The following LPGAT1 variants were observed in gnomAD, a reference collection of about 807,000 sequenced individuals.
The protein encoded by LPGAT1 is lysophosphatidylglycerol acyltransferase 1.
LPGAT1 carries 11 observed loss-of-function variants against 47.5 expected under a neutral mutation model. That is an observed-to-expected ratio of 0.23 (90% CI 0.15 to 0.38). The LOEUF is 0.38. Among genes scored for constraint, LPGAT1 ranks in the 10% least tolerant of loss-of-function variants. The pLI is 1.00. For synonymous variants in LPGAT1, 138 were observed against 144.2 expected (o/e 0.96, Z 0.31); for missense variants, 293 against 439.0 (o/e 0.67, Z 2.97).
intron 6 of LPGAT1, among the ~76,000 whole-genome samples, chr1:211,766,342 A>T (rs1657913268): frequency 6.6e-6 from 1 of 152,086 alleles, no homozygotes; most frequent in South Asian, 2.1e-4. Flanking sequence ...TCTCATAATA[A>T]ATCTCTTTCT....
At chr1:211,772,870 T>C (rs1658238286) in intron 6 of LPGAT1, among the ~76,000 whole-genome samples, 1 of 152,012 alleles carries the variant, frequency 6.6e-6, no homozygotes, top group Admixed American at 6.6e-5. Context: ...TCTTAGGGAG[T>C]AAGGGTAAAA....
intron 2 of LPGAT1, among the ~76,000 whole-genome samples, chr1:211,815,778 T>C (rs368028384): frequency 0.022 from 2,999 of 137,176 alleles, 33 homozygotes; most frequent in Non-Finnish European, 0.029. Context: ...CTTTTCTTTT[T>C]TTTTTTTTTT....
intron 1 of LPGAT1, chr1:211,829,902 G>GA (rs372838994): frequency 3.0e-6 from 3 of 983,968 alleles, no homozygotes; most frequent in South Asian, 9.4e-5. Flanking sequence ...GGGGGGCCTA[G>GA]AAAAAAAGCT....
chr1:211,744,779 T>C lies in LPGAT1; in HGVS notation c.*5120A>G, dbSNP rs1240230548. The C allele has an allele frequency of 2.6e-5, 4 of 151,196 alleles. No individual in the cohort carries two copies. Among genetic ancestry groups the C allele is most frequent in the Non-Finnish European group, 5.9e-5 (4 of 68,048 alleles). The allele number at this position is 151,196 out of a possible 1,614,324, so 9.4% of individuals were successfully genotyped here. On this transcript the variant is annotated 3_prime_UTR_variant, in exon 8 of 8. Transcript: ENST00000366997. The stretch of plus-strand genomic sequence containing the variant: ...TGCTAAACATTTACCAGCACACCAC[T>C]GGATTGGGAGAATGGGGAGAAAGGG...
intron 2 of LPGAT1, among the ~76,000 whole-genome samples, chr1:211,805,328 AT>A (rs1425100806): frequency 1.3e-5 from 2 of 152,192 alleles, no homozygotes; most frequent in Non-Finnish European, 2.9e-5. Context: ...CAAGTCAAAA[AT>A]GCATTTTAAC....
intron 6 of LPGAT1, among the ~76,000 whole-genome samples, chr1:211,764,344 G>A (rs1571703355): frequency 1.3e-5 from 2 of 152,160 alleles, no homozygotes; most frequent in East Asian, 3.9e-4. Context: ...TCCTTAGTAG[G>A]AACTCAGGTT....
At chr1:211,755,743 T>G (rs1294735735) in intron 6 of LPGAT1, among the ~76,000 whole-genome samples, 2 of 152,020 alleles carry the variant, frequency 1.3e-5, no homozygotes, top group Non-Finnish European at 2.9e-5. Flanking sequence ...AAATTTTACT[T>G]TCAAAAATTT....
At chr1:211,817,143 T>C (rs573868923) in intron 2 of LPGAT1, among the ~76,000 whole-genome samples, 299 of 152,340 alleles carry the variant, frequency 2.0e-3, no homozygotes, top group African/African-American at 6.9e-3. Context: ...TTTTCTTCCC[T>C]TCAAGGACCT....
chr1:211,782,955 T>C (rs1322416066), intron 5 of LPGAT1, among the ~76,000 whole-genome samples: 1 of 152,194 alleles, frequency 6.6e-6, no homozygotes, highest in East Asian at 1.9e-4. Flanking sequence ...AAGATGTTTA[T>C]AAGAATGTTT....
intron 6 of LPGAT1, among the ~76,000 whole-genome samples, chr1:211,771,139 G>A (rs985268635): frequency 2.7e-5 from 4 of 149,914 alleles, no homozygotes; most frequent in African/African-American, 9.8e-5. Context: ...TATTTTTACT[G>A]TACCTTTTCT....
intron 2 of LPGAT1, among the ~76,000 whole-genome samples, chr1:211,820,144 C>G (rs1660319948): frequency 1.3e-5 from 2 of 152,076 alleles, no homozygotes; most frequent in Admixed American, 1.3e-4. Flanking sequence ...AGACTTGTGG[C>G]CACACAGAGA....
intron 6 of LPGAT1, among the ~76,000 whole-genome samples, chr1:211,769,160 T>C (rs12040681): frequency 0.031 from 4,645 of 152,222 alleles, 95 homozygotes; most frequent in South Asian, 0.11. Context: ...AAAAATAGGA[T>C]GACACACTAG....
chr1:211,791,050 A>G (rs556521691), intron 3 of LPGAT1, among the ~76,000 whole-genome samples: 16 of 152,332 alleles, frequency 1.1e-4, no homozygotes, highest in African/African-American at 3.8e-4. Flanking sequence ...ATTATTATAA[A>G]TGCAAATATA....
intron 6 of LPGAT1, among the ~76,000 whole-genome samples, chr1:211,759,301 G>C (rs2102498424): frequency 6.6e-6 from 1 of 151,960 alleles, no homozygotes; most frequent in African/African-American, 2.4e-5. Context: ...TCTTGCTGTT[G>C]TTGCCCAGGC....
chr1:211,773,373 A>G (rs1253764617), intron 6 of LPGAT1, among the ~76,000 whole-genome samples: 2 of 152,138 alleles, frequency 1.3e-5, no homozygotes, highest in Non-Finnish European at 2.9e-5. Context: ...AAAAATATTA[A>G]TATTTCTTTT....
At chr1:211,781,236 T>G (rs1658630996) in intron 5 of LPGAT1, among the ~76,000 whole-genome samples, 1 of 152,232 alleles carries the variant, frequency 6.6e-6, no homozygotes, top group East Asian at 1.9e-4. Context: ...CTACTCTGCT[T>G]TAGTTATAAA....
chr1:211,764,098 G>C (rs1003062717), intron 6 of LPGAT1, among the ~76,000 whole-genome samples: 6 of 151,974 alleles, frequency 3.9e-5, no homozygotes, highest in African/African-American at 1.5e-4. Context: ...CTTGAACCCA[G>C]GAGGCAAAGG....
chr1:211,754,280 T>C (rs1657340388), intron 6 of LPGAT1, among the ~76,000 whole-genome samples: 1 of 152,236 alleles, frequency 6.6e-6, no homozygotes, highest in South Asian at 2.1e-4. Context: ...TAGTAATGCT[T>C]TCAACCTCAT....
chr1:211,771,992 A>G (rs1658192265), intron 6 of LPGAT1, among the ~76,000 whole-genome samples: 1 of 152,124 alleles, frequency 6.6e-6, no homozygotes, highest in African/African-American at 2.4e-5. Flanking sequence ...GCTAGCCTCA[A>G]ACCCCTGGGC....
Sources: allele counts gnomAD v4.1 joint callset (sites outside exome capture counted in the v4.1 genomes callset), GRCh38; gene constraint gnomAD v4.1.1; transcripts MANE v1.5; gene names NCBI Gene and HGNC (gene_info 2026-07-23, HGNC 2026-07-21).